Variants in CMTM4 observed in about 807,000 individuals in gnomAD.
CMTM4 encodes the protein CKLF-like MARVEL transmembrane domain-containing protein 4.
CMTM4 carries 8 observed loss-of-function variants against 19.0 expected under a neutral mutation model. The ratio of observed to expected loss-of-function variants is 0.42; its 90% CI spans 0.25 to 0.76. The LOEUF is 0.76. Among genes scored for constraint, CMTM4 ranks in the 30% least tolerant of loss-of-function variants. The probability of loss-of-function intolerance (pLI) is 0.27; values close to 1 mark genes in which losing one functional copy is unlikely to be tolerated. For synonymous variants in CMTM4, 106 were observed against 121.1 expected (o/e 0.88, Z 0.82); for missense variants, 228 against 290.2 (o/e 0.79, Z 1.56).
chr16:66,633,134 T>TATATATATATAA (rs2015915819), intron 2 of CMTM4, among the ~76,000 whole-genome samples: 26 of 139,916 alleles, frequency 1.9e-4, no homozygotes, highest in African/African-American at 6.7e-4. Context: ...TATATATAAA[T>TATATATATATAA]ATATATATAT....
chr16:66,630,461 G>T (rs1167244815), intron 2 of CMTM4, among the ~76,000 whole-genome samples: 1 of 151,566 alleles, frequency 6.6e-6, no homozygotes, highest in Admixed American at 6.6e-5. Context: ...GCCTCAGCCT[G>T]CCGAGTGCCT....
intron 1 of CMTM4, among the ~76,000 whole-genome samples, chr16:66,644,715 A>G (rs2016158686): frequency 6.6e-6 from 1 of 152,128 alleles, no homozygotes. Flanking sequence ...TTTTGGAACT[A>G]CAGACAGTTC....
intron 1 of CMTM4, among the ~76,000 whole-genome samples, chr16:66,640,907 TAG>T (rs2016087708): frequency 2.0e-5 from 3 of 152,142 alleles, no homozygotes; most frequent in Non-Finnish European, 4.4e-5. Context: ...GTCTTAGACA[TAG>T]GTCCTCCAGC....
At chr16:66,628,264 G>A (rs1436460154) in intron 2 of CMTM4, among the ~76,000 whole-genome samples, 1 of 152,182 alleles carries the variant, frequency 6.6e-6, no homozygotes, top group Non-Finnish European at 1.5e-5. Flanking sequence ...TCAACTGCAA[G>A]AGGCCTTCCT....
chr16:66,624,166 T>C (rs2015691228), intron 2 of CMTM4, among the ~76,000 whole-genome samples: 1 of 152,234 alleles, frequency 6.6e-6, no homozygotes, highest in South Asian at 2.1e-4. Context: ...TTCTGTGCTT[T>C]ACGTGAGAAT....
downstream of CMTM4, chr16:66,612,788 T>C: frequency 1.3e-6 from 1 of 746,792 alleles, no homozygotes; most frequent in South Asian, 1.8e-5. This position sits in a 1 kb window ranked among gnomAD's most constrained non-coding sequence, Gnocchi z 6.0. Context: ...AGGTTCTGCC[T>C]GAGCCCAGCC....
At chr16:66,648,772 G>A (rs1201274565) in intron 1 of CMTM4, among the ~76,000 whole-genome samples, 1 of 152,044 alleles carries the variant, frequency 6.6e-6, no homozygotes, top group Non-Finnish European at 1.5e-5. Context: ...AGGAGTTCAA[G>A]ACCAGCCTGG....
chr16:66,632,128 G>A (rs1164837129), intron 2 of CMTM4, among the ~76,000 whole-genome samples: 1 of 152,160 alleles, frequency 6.6e-6, no homozygotes, highest in Non-Finnish European at 1.5e-5. Flanking sequence ...CAAAGCGGAA[G>A]AAGAAAAACA....
At chr16:66,640,296 C>A (rs796348180) in intron 1 of CMTM4, among the ~76,000 whole-genome samples, 5 of 152,312 alleles carry the variant, frequency 3.3e-5, no homozygotes, top group African/African-American at 1.2e-4. Flanking sequence ...TAGAGTGAGA[C>A]TCTGTCTCAA....
intron 1 of CMTM4, among the ~76,000 whole-genome samples, chr16:66,649,323 T>C (rs931660430): frequency 6.6e-6 from 1 of 152,194 alleles, no homozygotes; most frequent in Non-Finnish European, 1.5e-5. Flanking sequence ...CATCCCTTTA[T>C]TCAGCTAAAA....
intron 1 of CMTM4, among the ~76,000 whole-genome samples, chr16:66,643,982 G>C (rs556164605): frequency 8.5e-5 from 13 of 152,234 alleles, no homozygotes; most frequent in African/African-American, 2.9e-4. Flanking sequence ...TCAAACTCCT[G>C]ACCCCAGGTG....
downstream of CMTM4, among the ~76,000 whole-genome samples, chr16:66,612,212 CAAG>C (rs1347421477): frequency 1.1e-4 from 16 of 152,234 alleles, no homozygotes; most frequent in East Asian, 2.9e-3. This position sits in a 1 kb window ranked among gnomAD's most constrained non-coding sequence, Gnocchi z 6.0. Context: ...GTCAGGAGTT[CAAG>C]ACCAGCCTGG....
intron 1 of CMTM4, among the ~76,000 whole-genome samples, chr16:66,694,905 C>A (rs1181447762): frequency 6.6e-6 from 1 of 152,054 alleles, no homozygotes; most frequent in Non-Finnish European, 1.5e-5. Flanking sequence ...TTCAAAAATA[C>A]CCTCTGGCAG....
the CMTM4 span, among the ~76,000 whole-genome samples, chr16:66,599,876 C>A: frequency 2.6e-5 from 4 of 152,168 alleles, no homozygotes; most frequent in African/African-American, 9.7e-5. Context: ...CTCCCCACAT[C>A]CTCACCAGCA....
intron 1 of CMTM4, among the ~76,000 whole-genome samples, chr16:66,646,399 C>T (rs950225890): frequency 2.0e-5 from 3 of 151,922 alleles, no homozygotes; most frequent in African/African-American, 7.3e-5. Flanking sequence ...AATATATACA[C>T]ATATATGTAC....
chr16:66,636,723 A>G (rs2015999027), intron 1 of CMTM4, 142 bp from the exon 2 acceptor site: 1 of 651,642 alleles, frequency 1.5e-6, no homozygotes, highest in Non-Finnish European at 2.6e-6. Context: ...TAACTGTCGG[A>G]AATCAGACCT....
intron 1 of CMTM4, among the ~76,000 whole-genome samples, chr16:66,694,160 A>T (rs1035491817): frequency 6.6e-6 from 1 of 152,222 alleles, no homozygotes; most frequent in African/African-American, 2.4e-5. Context: ...AAAAGTAATG[A>T]TAAATGCCAC....
intron 2 of CMTM4, among the ~76,000 whole-genome samples, chr16:66,632,446 T>C (rs1435964030): frequency 6.6e-6 from 1 of 152,172 alleles, no homozygotes; most frequent in Non-Finnish European, 1.5e-5. Flanking sequence ...CAATCTCCTA[T>C]TTATTGACCC....
At chr16:66,675,782 C>T (rs1256108375) in intron 1 of CMTM4, among the ~76,000 whole-genome samples, 2 of 152,282 alleles carry the variant, frequency 1.3e-5, no homozygotes, top group East Asian at 3.9e-4. Flanking sequence ...ACCGAACAGC[C>T]GTGCAAATTA....
Sources: gnomAD v4.1 joint callset for allele counts (sites outside exome capture counted in the v4.1 genomes callset) on GRCh38, gnomAD v4.1.1 for gene constraint, Gnocchi (gnomAD v3.1) non-coding constraint, MANE v1.5 for transcripts, NCBI Gene and HGNC (gene_info 2026-07-23, HGNC 2026-07-21) for gene names.